ADGRL3: variants seen among roughly 807,000 people sequenced by gnomAD.
ADGRL3 encodes adhesion G protein-coupled receptor L3.
ADGRL3 carries 62 observed loss-of-function variants against 153.5 expected under a neutral mutation model. That is an observed-to-expected ratio of 0.40 (90% CI 0.33 to 0.50). The LOEUF is 0.50. Ranked by LOEUF, ADGRL3 falls within the 20% of genes least tolerant of loss-of-function variation. ADGRL3 has a pLI of 0.47. For missense variants in ADGRL3, 1,641 were observed against 1,859.4 expected (o/e 0.88, Z 2.16); for synonymous variants, 710 against 672.5 (o/e 1.06, Z -0.86).
chr4:61,939,463 G>GTT (rs33980320), intron 15 of ADGRL3, among the ~76,000 whole-genome samples: 1 of 143,702 alleles, frequency 7.0e-6, no homozygotes, highest in Non-Finnish European at 1.5e-5. Flanking sequence ...AAATTTGCCA[G>GTT]TTTTTTTTTT....
chr4:61,304,758 G>A (rs1303324364), intron 1 of ADGRL3, among the ~76,000 whole-genome samples: 1 of 152,084 alleles, frequency 6.6e-6, no homozygotes, highest in Non-Finnish European at 1.5e-5. Flanking sequence ...CTTTTCTTGG[G>A]TGTCTTCTCA....
chr4:61,303,988 G>T (rs2094677970), intron 1 of ADGRL3, among the ~76,000 whole-genome samples: 1 of 152,172 alleles, frequency 6.6e-6, no homozygotes, highest in Non-Finnish European at 1.5e-5. Flanking sequence ...GGAGATAATA[G>T]ATACCTTGTT....
chr4:61,247,521 C>T (rs1757567005), intron 1 of ADGRL3, among the ~76,000 whole-genome samples: 1 of 151,984 alleles, frequency 6.6e-6, no homozygotes, highest in South Asian at 2.1e-4. Flanking sequence ...TGTTTTTCAA[C>T]TTATTTCCCA....
At chr4:61,678,900 A>T (rs961029035) in intron 6 of ADGRL3, among the ~76,000 whole-genome samples, 1 of 152,082 alleles carries the variant, frequency 6.6e-6, no homozygotes, top group Admixed American at 6.6e-5. Context: ...AAAATAATCC[A>T]AAAGAAAGTA....
At chr4:61,759,537 G>T (rs9759655) in intron 8 of ADGRL3, among the ~76,000 whole-genome samples, 13,249 of 152,080 alleles carry the variant, frequency 0.087, 1,227 homozygotes, top group African/African-American at 0.23. Context: ...CCTTTAAGGA[G>T]TTCTCTGCAT....
chr4:61,998,895 G>A (rs1025365227), intron 21 of ADGRL3, among the ~76,000 whole-genome samples: 2 of 151,984 alleles, frequency 1.3e-5, no homozygotes, highest in Non-Finnish European at 1.5e-5. Flanking sequence ...GTTTCTTAGA[G>A]CAATTACCGC....
Position 61,711,457 on chromosome 4 carries a change from ATTATAT to A in ADGRL3, c.584-19164_584-19159del, listed in dbSNP as rs1182285547. On this transcript the variant is annotated intron_variant, in intron 6 of 26. Transcript: ENST00000683033. Reference sequence around the variant, plus strand: ...AATACTATCTTAAAACATATGCTTCATTATATATATATATATATATATATATATATA... The same window carrying A: ...AATACTATCTTAAAACATATGCTTCAATATATATATATATATATATATATA... Among the ~76,000 whole-genome samples the A allele has an allele frequency of 9.8e-4, 43 of 43,864 alleles. 1 individual carries two copies. Among genetic ancestry groups the A allele is most frequent in the African/African-American group, 3.5e-3 (39 of 10,996 alleles). The allele number at this position is 43,864 out of a possible 152,430, so 28.8% of individuals were successfully genotyped here. A position where few individuals can be genotyped will look rare whatever the true frequency, so the allele number is the denominator to read the frequency against.
chr4:62,024,998 C>A (rs768311575), intron 21 of ADGRL3, among the ~76,000 whole-genome samples: 1 of 148,476 alleles, frequency 6.7e-6, no homozygotes, highest in African/African-American at 2.5e-5. Context: ...GAACAAAGAA[C>A]AAATATAATA....
chr4:61,647,906 A>G (rs1176465115), intron 5 of ADGRL3, among the ~76,000 whole-genome samples: 1 of 152,170 alleles, frequency 6.6e-6, no homozygotes, highest in Non-Finnish European at 1.5e-5. Flanking sequence ...TAAAAGGAAG[A>G]TTGTAAACTT....
At chr4:61,524,229 C>G (rs2098546974) in intron 4 of ADGRL3, among the ~76,000 whole-genome samples, 1 of 151,912 alleles carries the variant, frequency 6.6e-6, no homozygotes, top group African/African-American at 2.4e-5. Context: ...AGCGTTAACA[C>G]AAAATTCAGG....
At chr4:61,554,492 G>A (rs1046473687) in intron 4 of ADGRL3, among the ~76,000 whole-genome samples, 5 of 151,954 alleles carry the variant, frequency 3.3e-5, no homozygotes, top group Admixed American at 2.0e-4. Flanking sequence ...CACTGCGCCC[G>A]GCCTAGGTAT....
intron 8 of ADGRL3, among the ~76,000 whole-genome samples, chr4:61,802,630 G>T (rs780280696): frequency 2.6e-5 from 4 of 152,002 alleles, no homozygotes; most frequent in Non-Finnish European, 5.9e-5. Flanking sequence ...CCTCTGAATG[G>T]CCAGACCTGG....
chr4:61,749,890 A>T (rs2096729743), intron 8 of ADGRL3, among the ~76,000 whole-genome samples: 2 of 127,678 alleles, frequency 1.6e-5, no homozygotes, highest in Non-Finnish European at 3.1e-5. Flanking sequence ...AATAAAAATA[A>T]AGAAAAAGAC....
intron 2 of ADGRL3, among the ~76,000 whole-genome samples, chr4:61,459,755 A>G (rs997169041): frequency 6.6e-6 from 1 of 152,008 alleles, no homozygotes; most frequent in African/African-American, 2.4e-5. Context: ...TTGGAATGAG[A>G]TGCTATCTCA....
At chr4:61,931,225 G>A (rs1560391987) in intron 13 of ADGRL3, among the ~76,000 whole-genome samples, 1 of 152,168 alleles carries the variant, frequency 6.6e-6, no homozygotes, top group African/African-American at 2.4e-5. Context: ...GCTCCAGGTA[G>A]TATAGGCTTC....
At chr4:61,976,750 G>A (rs555951863) in intron 17 of ADGRL3, among the ~76,000 whole-genome samples, 113 of 152,132 alleles carry the variant, frequency 7.4e-4, no homozygotes, top group African/African-American at 2.3e-3. Flanking sequence ...CTCCCCCTTC[G>A]CCTTCTGCCA....
At chr4:62,036,680 T>C (rs1262395090) in intron 23 of ADGRL3, among the ~76,000 whole-genome samples, 8 of 152,126 alleles carry the variant, frequency 5.3e-5, no homozygotes, top group Non-Finnish European at 8.8e-5. Context: ...TAAAATCTTA[T>C]TTGAATATTA....
At chr4:61,263,783 A>G (rs1055519153) in intron 1 of ADGRL3, among the ~76,000 whole-genome samples, 6 of 152,060 alleles carry the variant, frequency 3.9e-5, no homozygotes, top group African/African-American at 1.2e-4. Context: ...TTGAAACAGT[A>G]AGCAACACCC....
chr4:61,977,966 T>A (rs1284526621), intron 17 of ADGRL3, among the ~76,000 whole-genome samples: 2 of 152,224 alleles, frequency 1.3e-5, no homozygotes, highest in East Asian at 3.9e-4. Context: ...CCTCTGGTAG[T>A]CCCAAGTTTC....
Sources: allele counts gnomAD v4.1 joint callset (sites outside exome capture counted in the v4.1 genomes callset), GRCh38; gene constraint gnomAD v4.1.1; transcripts MANE v1.5; gene names NCBI Gene and HGNC (gene_info 2026-07-23, HGNC 2026-07-21).